The following FOXJ3 variants were observed in gnomAD, a reference collection of about 807,000 sequenced individuals.
FOXJ3 encodes forkhead box protein J3.
A neutral mutation model predicts 76.1 loss-of-function variants in FOXJ3; 22 were observed. The ratio of observed to expected loss-of-function variants is 0.29; its 90% CI spans 0.21 to 0.41. The LOEUF is 0.41. Ranked by LOEUF, FOXJ3 falls within the 10% of genes least tolerant of loss-of-function variation. FOXJ3 has a pLI of 1.00. For synonymous variants in FOXJ3, 269 were observed against 261.2 expected, an observed-to-expected ratio of 1.03 and a Z score of -0.29; for missense variants, 613 against 762.1, an observed-to-expected ratio of 0.80 and a Z score of 2.30.
At chr1:42,216,225 A>G (rs1647061583) in intron 5 of FOXJ3, among the ~76,000 whole-genome samples, 1 of 152,058 alleles carries the variant, frequency 6.6e-6, no homozygotes, top group Admixed American at 6.5e-5. Context: ...GCTAAATATA[A>G]AAGACTACTG....
chr1:42,184,430 G>A (rs977517673), intron 11 of FOXJ3, among the ~76,000 whole-genome samples: 4 of 152,074 alleles, frequency 2.6e-5, no homozygotes, highest in South Asian at 2.1e-4. Flanking sequence ...CATCATATGC[G>A]TAACACTTTT....
intron 7 of FOXJ3, 125 bp from the exon 8 acceptor site, chr1:42,195,189 A>T: frequency 1.5e-6 from 1 of 656,002 alleles, no homozygotes; most frequent in Non-Finnish European, 2.4e-6. Context: ...CTTCTGTCTT[A>T]GGCTTTCCCA....
intron 4 of FOXJ3, among the ~76,000 whole-genome samples, chr1:42,264,657 A>G (rs1052556989): frequency 2.0e-5 from 3 of 152,136 alleles, no homozygotes; most frequent in Non-Finnish European, 4.4e-5. Flanking sequence ...AAAACGCTAA[A>G]AACGTGAAAA....
At chr1:42,331,118 C>T (rs1450052641) in intron 1 of FOXJ3, among the ~76,000 whole-genome samples, 1 of 152,134 alleles carries the variant, frequency 6.6e-6, no homozygotes, top group Non-Finnish European at 1.5e-5. Flanking sequence ...CGGTGGCTTA[C>T]ACCTGTAGTC....
intron 5 of FOXJ3, among the ~76,000 whole-genome samples, chr1:42,211,637 G>A (rs1036129749): frequency 1.3e-5 from 2 of 152,264 alleles, no homozygotes; most frequent in Admixed American, 1.3e-4. Context: ...AGTACTGGAG[G>A]AGAAAATTTT....
chr1:42,332,770 G>A (rs1656237659), intron 1 of FOXJ3, among the ~76,000 whole-genome samples: 2 of 152,104 alleles, frequency 1.3e-5, no homozygotes, highest in South Asian at 4.1e-4. Flanking sequence ...GATATCATTT[G>A]TACATTGCCA....
chr1:42,262,773 C>T lies in FOXJ3; in HGVS notation c.444+2342G>A, dbSNP rs547097662. ...CTGAGGCAGGAGAATTGCTTAAACCCGGGAGACGGAGGCTGCAGTGAGCTG... is the reference window on the plus strand; with the variant it reads ...CTGAGGCAGGAGAATTGCTTAAACCTGGGAGACGGAGGCTGCAGTGAGCTG... On this transcript the variant is annotated intron_variant, in intron 4 of 12. Transcript: ENST00000361346. Among the ~76,000 whole-genome samples, 283 of 152,242 alleles carry T rather than the reference C, an allele frequency of 1.9e-3. 5 individuals carry two copies. In the South Asian group the frequency reaches 0.025, roughly 14 times the overall value.
chr1:42,217,357 C>T lies in FOXJ3; in HGVS notation c.528+10526G>A, dbSNP rs544588756. ...CATCCTGGCCAACATGGCGAAACCC[C>T]ATCTCTACTAAAAACACAAAACTTC... On this transcript the variant is annotated intron_variant, in intron 5 of 12. Coordinates refer to ENST00000361346, the MANE Select transcript of FOXJ3 (RefSeq NM_014947.5). 5.3e-4 allele frequency among the ~76,000 whole-genome samples: 81 copies of T among 152,114 alleles called. 1 individual carries two copies. Among genetic ancestry groups the T allele is most frequent in the African/African-American group, 1.6e-3 (66 of 41,488 alleles).
At chr1:42,237,397 CATACATACATATATATATATATATATAT>C (rs1648741467) in intron 4 of FOXJ3, among the ~76,000 whole-genome samples, 1 of 55,528 alleles carries the variant, frequency 1.8e-5, no homozygotes, top group South Asian at 5.2e-4. Flanking sequence ...TATATACATA[CATACATACATATATATATATATATATAT>C]ATACATACAT....
chr1:42,318,598 G>A (rs1655257266), intron 1 of FOXJ3, among the ~76,000 whole-genome samples: 1 of 152,104 alleles, frequency 6.6e-6, no homozygotes, highest in Non-Finnish European at 1.5e-5. Flanking sequence ...GCCCACCTCG[G>A]CCTCCCAAAG....
chr1:42,243,887 C>T (rs1649340792), intron 4 of FOXJ3, among the ~76,000 whole-genome samples: 1 of 152,156 alleles, frequency 6.6e-6, no homozygotes, highest in Non-Finnish European at 1.5e-5. Flanking sequence ...CCCATCAGTA[C>T]ATGGAATATT....
chr1:42,235,378 C>T lies in FOXJ3; in HGVS notation c.445-7412G>A, dbSNP rs1052149367. On this transcript the variant is annotated intron_variant, in intron 4 of 12. Transcript: ENST00000361346. ...GGTGAGGTAATGCCTCGCCCTGCTT[C>T]GGCTCACGCTCGGTGCGCTGCACCC... Among the ~76,000 whole-genome samples, 12 of 152,324 alleles carry T rather than the reference C, an allele frequency of 7.9e-5. No homozygotes were observed. In the East Asian group the frequency reaches 1.4e-3, roughly 17 times the overall value.
At chr1:42,308,751 G>A (rs976095067) in intron 2 of FOXJ3, among the ~76,000 whole-genome samples, 2 of 151,996 alleles carry the variant, frequency 1.3e-5, no homozygotes, top group African/African-American at 4.8e-5. Context: ...ACAACACAAT[G>A]AGTAAATTAT....
intron 5 of FOXJ3, among the ~76,000 whole-genome samples, chr1:42,222,587 G>GA (rs1248340802): frequency 4.6e-5 from 7 of 152,138 alleles, no homozygotes; most frequent in African/African-American, 1.7e-4. Flanking sequence ...TGATAAGCAT[G>GA]AATTTTTATA....
rs757384118 is a variant in FOXJ3, at chr1:42,194,887, C to T, written c.934+3G>A. On this transcript the variant is annotated splice_donor_region_variant and intron_variant, in intron 8 of 12. Coordinates refer to ENST00000361346, the MANE Select transcript of FOXJ3 (RefSeq NM_014947.5). ...TTATAAAAAAGATTTTAAGAAAACT[C>T]ACCTTGTTGACTAAGTGACTGCTCA... 54 of 1,559,240 alleles carry T rather than the reference C, an allele frequency of 3.5e-5. No individual in the cohort carries two copies. The highest frequency in any genetic ancestry group is 4.3e-5 in the Non-Finnish European group (50 of 1,157,692).
rs1454168435 is a variant in FOXJ3, at chr1:42,222,095, A to AGAG, written c.528+5787_528+5788insCTC. Among the ~76,000 whole-genome samples the AGAG allele has an allele frequency of 6.7e-4, 99 of 146,750 alleles. 2 individuals carry two copies. In the East Asian group the frequency reaches 0.015, roughly 23 times the overall value. ...AAGAAGAAGAAGAAGAAGAAGAAGA[A>AGAG]GAAGAAGAAGAAGAAATAAAAAGTT... is the stretch of plus-strand genomic sequence containing the variant. On this transcript the variant is annotated intron_variant, in intron 5 of 12. Transcript: ENST00000361346.
chr1:42,238,119 A>G (rs1047080069), intron 4 of FOXJ3, among the ~76,000 whole-genome samples: 13 of 151,644 alleles, frequency 8.6e-5, no homozygotes, highest in Admixed American at 7.9e-4. Flanking sequence ...TGCAACCTCC[A>G]CCTCCCAGAT....
intron 1 of FOXJ3, among the ~76,000 whole-genome samples, chr1:42,311,930 G>C (rs1333097978): frequency 6.6e-6 from 1 of 152,146 alleles, no homozygotes; most frequent in Non-Finnish European, 1.5e-5. Context: ...GGAGCACATG[G>C]GAGGGTATCA....
chr1:42,298,923 G>A (rs1653959430), intron 2 of FOXJ3, among the ~76,000 whole-genome samples: 1 of 152,172 alleles, frequency 6.6e-6, no homozygotes, highest in Admixed American at 6.5e-5. Context: ...GGAGCATGTT[G>A]TTTAGTTTCC....
Sources: allele counts gnomAD v4.1 joint callset (sites outside exome capture counted in the v4.1 genomes callset), GRCh38; gene constraint gnomAD v4.1.1; transcripts MANE v1.5; gene names NCBI Gene and HGNC (gene_info 2026-07-23, HGNC 2026-07-21).